TAPT1: variants seen among roughly 807,000 people sequenced by gnomAD.
TAPT1 encodes transmembrane anterior posterior transformation protein 1 homolog.
Under a neutral mutation model 65.6 loss-of-function variants are expected in TAPT1, and 28 were observed. The observed-to-expected ratio is 0.43, with a 90% CI of 0.32 to 0.59. The LOEUF (loss-of-function observed/expected upper bound fraction) is 0.59, where lower values mean the gene tolerates loss of function less well. Ranked by LOEUF, TAPT1 falls within the 20% of genes least tolerant of loss-of-function variation. TAPT1 has a pLI of 0.09. For missense variants in TAPT1, 563 were observed against 679.9 expected (o/e 0.83, Z 1.91); for synonymous variants, 278 against 245.2 (o/e 1.13, Z -1.25).
At position 16,163,457 on chromosome 4, in the gene TAPT1, C is replaced by G; in HGVS notation, c.1555G>C (p.Val519Leu). 1.2e-6 allele frequency: 2 copies of G among 1,613,942 alleles called. No individual in the cohort carries two copies. The highest frequency in any genetic ancestry group is 1.7e-6 in the Non-Finnish European group (2 of 1,179,866). ...AAAAACTGATCAGAATTGCTTGTCA[C>G]AAGTAATGGTATGATATTTTCCTTT... ...HQKENIIPLL[V>L]TSNSDQFLTT... Residue 519 changes from valine to leucine, a missense_variant, in exon 14 of 14, where the codon GTG (valine) becomes CTG (leucine). By Grantham distance (32) the Val-to-Leu change is conservative. Transcript: ENST00000405303.
rs139104025 is a variant in TAPT1 at position 16,172,312 on chromosome 4, C to T, written c.1237-1583G>A. On this transcript the variant is annotated intron_variant, in intron 11 of 13. Transcript: ENST00000405303. ...GACAAATAAGTCAATTATTATTTGGCAAAGCAGGATCATATTTAAATCCAA... is the reference window on the plus strand; with the variant it reads ...GACAAATAAGTCAATTATTATTTGGTAAAGCAGGATCATATTTAAATCCAA... Among the ~76,000 whole-genome samples the T allele has an allele frequency of 4.5e-3, 670 of 148,506 alleles. 5 individuals are homozygous for T. Among genetic ancestry groups the T allele is most frequent in the African/African-American group, 0.016 (649 of 40,206 alleles).
intron 1 of TAPT1, chr4:16,214,423 AC>A (rs1435562039): frequency 2.0e-5 from 3 of 152,226 alleles, no homozygotes; most frequent in African/African-American, 7.2e-5. Flanking sequence ...ATGAAGACTT[AC>A]CAACATGATA....
intron 11 of TAPT1, among the ~76,000 whole-genome samples, chr4:16,173,604 T>A (rs911599961): frequency 6.6e-6 from 1 of 152,188 alleles, no homozygotes; most frequent in Non-Finnish European, 1.5e-5. Context: ...TGCAAAAAGT[T>A]TGGACAATTT....
chr4:16,218,354 G>A (rs776598532), intron 1 of TAPT1, among the ~76,000 whole-genome samples: 4 of 152,228 alleles, frequency 2.6e-5, no homozygotes, highest in Non-Finnish European at 5.9e-5. Flanking sequence ...GCAGTGAGCC[G>A]AGATCGTGTA....
intron 12 of TAPT1, among the ~76,000 whole-genome samples, chr4:16,167,300 C>A (rs1386083169): frequency 1.3e-5 from 2 of 152,014 alleles, no homozygotes; most frequent in African/African-American, 4.8e-5. Context: ...CTCCTTAGTT[C>A]TCTTGTAAGA....
chr4:16,204,659 C>CT (rs1750239521), intron 2 of TAPT1, among the ~76,000 whole-genome samples: 3 of 152,234 alleles, frequency 2.0e-5, no homozygotes, highest in Non-Finnish European at 4.4e-5. Flanking sequence ...CAACCGGGCA[C>CT]TGGCCAGGTG....
At chr4:16,215,326 T>C (rs896518338) in intron 1 of TAPT1, among the ~76,000 whole-genome samples, 1 of 152,018 alleles carries the variant, frequency 6.6e-6, no homozygotes, top group African/African-American at 2.4e-5. Flanking sequence ...ATATATCTCC[T>C]TAAAAGCCCT....
intron 3 of TAPT1, among the ~76,000 whole-genome samples, chr4:16,197,667 G>A (rs1749794924): frequency 6.6e-6 from 1 of 152,098 alleles, no homozygotes; most frequent in Admixed American, 6.5e-5. Context: ...ATTCTTCCAA[G>A]GAATAGACAC....
intron 3 of TAPT1, among the ~76,000 whole-genome samples, chr4:16,192,746 T>C (rs929805057): frequency 1.3e-5 from 2 of 152,192 alleles, no homozygotes; most frequent in South Asian, 2.1e-4. Flanking sequence ...TTATGCATAG[T>C]GCAATCAATA....
intron 2 of TAPT1, among the ~76,000 whole-genome samples, chr4:16,208,879 T>A (rs1750491654): frequency 6.6e-6 from 1 of 152,206 alleles, no homozygotes; most frequent in South Asian, 2.1e-4. Flanking sequence ...TATCTCTTTT[T>A]TTGAGATAGG....
chr4:16,205,849 A>T lies in TAPT1; in HGVS notation c.331-3269T>A, dbSNP rs530568628. Among the ~76,000 whole-genome samples, 6 of 152,296 alleles carry T rather than the reference A, an allele frequency of 3.9e-5. No individual in the cohort carries two copies. In the South Asian group the frequency reaches 1.2e-3, roughly 32 times the overall value. ...TCATTGCTAAGGAGCTCAAATTTTCATTCTTAGGTTCCAAGGTATCCTTGT... is the reference window on the plus strand; with the variant it reads ...TCATTGCTAAGGAGCTCAAATTTTCTTTCTTAGGTTCCAAGGTATCCTTGT... On this transcript the variant is annotated intron_variant, in intron 2 of 13. Coordinates refer to ENST00000405303, the MANE Select transcript of TAPT1 (RefSeq NM_153365.3).
chr4:16,226,730 G>T (rs1257986171), upstream of TAPT1: 3 of 151,062 alleles, frequency 2.0e-5, no homozygotes, highest in South Asian at 5.3e-4. Flanking sequence ...GCCGGCCGGG[G>T]CACCGCGCCG....
chr4:16,227,033 C>T (rs1359755957), upstream of TAPT1: 1 of 454,092 alleles, frequency 2.2e-6, no homozygotes, highest in East Asian at 7.0e-5. Flanking sequence ...CCGACCCCCA[C>T]GAGCGCCGGC....
At chr4:16,170,863 A>C in intron 11 of TAPT1, 134 bp from the exon 12 acceptor site, 1 of 623,924 alleles carries the variant, frequency 1.6e-6, no homozygotes, top group Non-Finnish European at 2.8e-6. Flanking sequence ...CCTTTGTCTA[A>C]AAATCCAAGA....
intron 1 of TAPT1, among the ~76,000 whole-genome samples, chr4:16,216,850 T>C (rs2108893979): frequency 6.6e-6 from 1 of 152,298 alleles, no homozygotes; most frequent in South Asian, 2.1e-4. Flanking sequence ...AGATCAGATA[T>C]GGTTCTGCTG....
chr4:16,217,190 C>T (rs918614729), intron 1 of TAPT1, among the ~76,000 whole-genome samples: 1 of 152,160 alleles, frequency 6.6e-6, no homozygotes, highest in African/African-American at 2.4e-5. Context: ...ACAGTACCTG[C>T]ACCTGCCTAT....
intron 1 of TAPT1, among the ~76,000 whole-genome samples, chr4:16,222,826 T>G (rs1192726133): frequency 6.6e-6 from 1 of 152,100 alleles, no homozygotes; most frequent in East Asian, 1.9e-4. Flanking sequence ...GATAATAAGT[T>G]GAAGTTTTAG....
rs960416030 is a variant in TAPT1, at chr4:16,162,302, C to T, written c.*1006G>A. 3 of 153,168 alleles carry T rather than the reference C, an allele frequency of 2.0e-5. No homozygotes were observed. The highest frequency in any genetic ancestry group is 3.4e-3 in the Middle Eastern group (1 of 296). The allele number at this position is 153,168 out of a possible 1,614,324, so 9.5% of individuals were successfully genotyped here. ...CACCCTGCCCCAGCACAGGCACACT[C>T]GCTGTCGACCCAAACACAAAGACTA... On this transcript the variant is annotated 3_prime_UTR_variant, in exon 14 of 14. Transcript: ENST00000405303.
chr4:16,198,321 CAA>C (rs1455982808), intron 3 of TAPT1, among the ~76,000 whole-genome samples: 1 of 152,076 alleles, frequency 6.6e-6, no homozygotes, highest in Admixed American at 6.5e-5. Context: ...TGTAAATCTG[CAA>C]ACAGATGAGG....
Sources: gnomAD v4.1 joint callset for allele counts (sites outside exome capture counted in the v4.1 genomes callset) on GRCh38, gnomAD v4.1.1 for gene constraint, MANE v1.5 for transcripts, NCBI Gene and HGNC (gene_info 2026-07-23, HGNC 2026-07-21) for gene names.